The following GRIK4 variants were observed in gnomAD, a reference collection of about 807,000 sequenced individuals.
GRIK4 encodes glutamate receptor ionotropic, kainate 4.
A neutral mutation model predicts 104.9 loss-of-function variants in GRIK4; 40 were observed. The ratio of observed to expected loss-of-function variants is 0.38; its 90% CI spans 0.30 to 0.50. GRIK4 has a LOEUF of 0.50. GRIK4 is among the 20% of genes least tolerant of loss of function. The pLI, the probability that GRIK4 is intolerant of heterozygous loss-of-function variation, is 0.93. For synonymous variants in GRIK4, 485 were observed against 524.9 expected (o/e 0.92, Z 1.04); for missense variants, 1,047 against 1,308.1 (o/e 0.80, Z 3.08).
chr11:120,772,409 T>C (rs544610255), intron 3 of GRIK4, among the ~76,000 whole-genome samples: 2 of 152,300 alleles, frequency 1.3e-5, no homozygotes, highest in Non-Finnish European at 2.9e-5. Context: ...AATTAGATTT[T>C]CTTGAGCACC....
intron 3 of GRIK4, among the ~76,000 whole-genome samples, chr11:120,718,388 A>G (rs1950874263): frequency 6.6e-6 from 1 of 152,182 alleles, no homozygotes; most frequent in African/African-American, 2.4e-5. Context: ...GATACTTGCC[A>G]GTTTCCATTT....
chr11:120,745,685 G>A (rs989558069), intron 3 of GRIK4, among the ~76,000 whole-genome samples: 12 of 152,312 alleles, frequency 7.9e-5, no homozygotes, highest in Middle Eastern at 3.4e-3. Flanking sequence ...TTGTCCTCTA[G>A]GTCGAATGGA....
At chr11:120,590,474 C>G (rs1395887819) in intron 1 of GRIK4, among the ~76,000 whole-genome samples, 3 of 152,210 alleles carry the variant, frequency 2.0e-5, no homozygotes, top group Admixed American at 2.0e-4. Flanking sequence ...ATCGATGCCT[C>G]CCTGCACCCT....
intron 1 of GRIK4, among the ~76,000 whole-genome samples, chr11:120,647,184 G>T (rs1466101652): frequency 1.3e-5 from 2 of 152,126 alleles, no homozygotes; most frequent in Non-Finnish European, 2.9e-5. Flanking sequence ...ACCACCATAC[G>T]CTCCTACCCA....
At chr11:120,954,234 G>A (rs1344235777) in intron 15 of GRIK4, among the ~76,000 whole-genome samples, 1 of 152,140 alleles carries the variant, frequency 6.6e-6, no homozygotes, top group Non-Finnish European at 1.5e-5. Context: ...CCCAAGATCA[G>A]GAAGGTCTTT....
At chr11:120,921,599 C>T (rs1591286175) in intron 13 of GRIK4, among the ~76,000 whole-genome samples, 1 of 84,774 alleles carries the variant, frequency 1.2e-5, no homozygotes, top group Non-Finnish European at 3.2e-5. Context: ...ATCCCTGCCT[C>T]CCGCTCCTGC....
chr11:120,832,180 G>T (rs937614317), intron 7 of GRIK4, 150 bp downstream of exon 7: 6 of 557,986 alleles, frequency 1.1e-5, no homozygotes, highest in Non-Finnish European at 1.9e-5. Flanking sequence ...TTCAATGAGC[G>T]GTTCCCGAAA....
chr11:120,883,261 C>T (rs1955018412), intron 11 of GRIK4, among the ~76,000 whole-genome samples: 1 of 152,178 alleles, frequency 6.6e-6, no homozygotes, highest in Non-Finnish European at 1.5e-5. Flanking sequence ...ACACCAGAGC[C>T]CTGGGGACCT....
chr11:120,986,464 C>T lies in GRIK4; in HGVS notation c.*204C>T, dbSNP rs924875933. On this transcript the variant is annotated 3_prime_UTR_variant, in exon 21 of 21. Transcript: ENST00000527524. ...TCAGGGAGCAGGGTCCACCCGGAAA[C>T]GTTGCACCCAAAGGGCAAAGGACGG... 1.6e-5 allele frequency: 11 copies of T among 673,126 alleles called. No individual in the cohort carries two copies. Among genetic ancestry groups the T allele is most frequent in the Non-Finnish European group, 2.5e-5 (11 of 433,430 alleles). The allele number at this position is 673,126 out of a possible 1,614,324, so 41.7% of individuals were successfully genotyped here.
At chr11:120,599,461 CAG>C (rs1457308461) in intron 1 of GRIK4, among the ~76,000 whole-genome samples, 1 of 152,178 alleles carries the variant, frequency 6.6e-6, no homozygotes, top group Non-Finnish European at 1.5e-5. Context: ...CTGGACTTAA[CAG>C]AGTTTCCGCC....
At chr11:120,849,158 C>T (rs913805694) in intron 8 of GRIK4, among the ~76,000 whole-genome samples, 14 of 151,372 alleles carry the variant, frequency 9.2e-5, no homozygotes, top group East Asian at 3.9e-4. Flanking sequence ...CTGCCCCCAA[C>T]GCGCGCACAC....
At position 120,663,876 on chromosome 11, in the gene GRIK4, G is replaced by A. The variant is rs138631042; in HGVS notation, c.82+3476G>A. On this transcript the variant is annotated intron_variant, in intron 3 of 20. Coordinates refer to ENST00000527524, the MANE Select transcript of GRIK4 (RefSeq NM_014619.5). ...CTCTTCCTCTGCAAAGTCCTTTCCC[G>A]TTATCATCCTGTCCGTAAGAGGGAG... Among the ~76,000 whole-genome samples, 204 of 152,040 alleles carry A rather than the reference G, an allele frequency of 1.3e-3. 1 individual carries two copies. Among genetic ancestry groups the A allele is most frequent in the African/African-American group, 4.6e-3 (189 of 41,428 alleles).
At chr11:120,741,685 A>G (rs1344185090) in intron 3 of GRIK4, among the ~76,000 whole-genome samples, 1 of 152,192 alleles carries the variant, frequency 6.6e-6, no homozygotes, top group African/African-American at 2.4e-5. Context: ...AGTGCCCCAC[A>G]GGGTATCTTA....
intron 11 of GRIK4, among the ~76,000 whole-genome samples, chr11:120,885,400 T>TC (rs1347277636): frequency 6.6e-6 from 1 of 151,916 alleles, no homozygotes; most frequent in African/African-American, 2.4e-5. Context: ...TTTTTTTTTT[T>TC]CTGAGATGGA....
chr11:120,738,675 C>A (rs1951270774), intron 3 of GRIK4, among the ~76,000 whole-genome samples: 1 of 152,220 alleles, frequency 6.6e-6, no homozygotes, highest in Non-Finnish European at 1.5e-5. Flanking sequence ...GCAGGAGGCA[C>A]CATGCTTGCG....
chr11:120,849,032 G>A (rs1481835780), intron 8 of GRIK4, among the ~76,000 whole-genome samples: 1 of 152,166 alleles, frequency 6.6e-6, no homozygotes, highest in Non-Finnish European at 1.5e-5. Flanking sequence ...CAACCCCTTT[G>A]CTGATGTTTG....
intron 6 of GRIK4, among the ~76,000 whole-genome samples, chr11:120,828,639 T>C (rs933068258): frequency 1.3e-5 from 2 of 152,194 alleles, no homozygotes; most frequent in Non-Finnish European, 2.9e-5. Context: ...CTGGGTTCTT[T>C]GTGCTGAGCC....
At chr11:120,608,468 GC>G (rs1948990069) in intron 1 of GRIK4, among the ~76,000 whole-genome samples, 1 of 152,214 alleles carries the variant, frequency 6.6e-6, no homozygotes, top group South Asian at 2.1e-4. Context: ...GTGTGTGCAC[GC>G]ATGTGTATTT....
chr11:120,852,806 C>G (rs546423585), intron 8 of GRIK4, among the ~76,000 whole-genome samples: 6 of 152,142 alleles, frequency 3.9e-5, no homozygotes, highest in Non-Finnish European at 5.9e-5. Flanking sequence ...TTTTGGACTT[C>G]TGGTGGCTCC....
Sources: allele counts gnomAD v4.1 joint callset (sites outside exome capture counted in the v4.1 genomes callset), GRCh38; gene constraint gnomAD v4.1.1; transcripts MANE v1.5; gene names NCBI Gene and HGNC (gene_info 2026-07-23, HGNC 2026-07-21).